AFAP1L2: variants seen among roughly 807,000 people sequenced by gnomAD.
The protein encoded by AFAP1L2 is actin filament associated protein 1 like 2.
A neutral mutation model predicts 99.3 loss-of-function variants in AFAP1L2; 46 were observed. The ratio of observed to expected loss-of-function variants is 0.46; its 90% CI spans 0.37 to 0.59. AFAP1L2 has a LOEUF of 0.59. Among genes scored for constraint, AFAP1L2 ranks in the 20% least tolerant of loss-of-function variants. The probability of loss-of-function intolerance (pLI) is 0.00; values close to 1 mark genes in which losing one functional copy is unlikely to be tolerated. For missense variants in AFAP1L2, 959 were observed against 1,034.9 expected, an observed-to-expected ratio of 0.93 and a Z score of 1.01; for synonymous variants, 397 against 419.1, an observed-to-expected ratio of 0.95 and a Z score of 0.64.
At chr10:114,287,244 G>A in the AFAP1L2 span, among the ~76,000 whole-genome samples, 8 of 152,084 alleles carry the variant, frequency 5.3e-5, no homozygotes, top group Non-Finnish European at 1.0e-4. Flanking sequence ...GCAGTGGCAC[G>A]ATCATAGCTC....
At chr10:114,404,961 G>A (rs561774681), upstream of AFAP1L2, among the ~76,000 whole-genome samples, 3 of 152,278 alleles carry the variant, frequency 2.0e-5, no homozygotes, top group South Asian at 2.1e-4. Flanking sequence ...CTCGCGCTTG[G>A]CTCCCGAGCC....
intron 2 of AFAP1L2, among the ~76,000 whole-genome samples, chr10:114,338,558 G>C (rs947551243): frequency 2.0e-5 from 3 of 152,196 alleles, no homozygotes; most frequent in Admixed American, 6.5e-5. Context: ...TAAGTGAAAG[G>C]ATAAACAGAT....
At chr10:114,304,512 G>A (rs1248491624) in intron 11 of AFAP1L2, among the ~76,000 whole-genome samples, 1 of 152,176 alleles carries the variant, frequency 6.6e-6, no homozygotes, top group African/African-American at 2.4e-5. Context: ...AGTAGCGCAT[G>A]GTTCCACTCT....
At chr10:114,314,885 G>A (rs2043865040) in intron 6 of AFAP1L2, among the ~76,000 whole-genome samples, 1 of 152,194 alleles carries the variant, frequency 6.6e-6, no homozygotes, top group Non-Finnish European at 1.5e-5. Flanking sequence ...GCTCACGCCT[G>A]TAAACCCAGC....
Position 114,301,372 on chromosome 10 carries a change from C to A in AFAP1L2, c.1524G>T (p.Leu508=). The change falls in exon 13 of 19, where the codon CTG becomes CTT. Residue 508 remains leucine, a synonymous_variant. Transcript: ENST00000304129. The part of the protein sequence containing the change: ...RQEELYDDVD[L]SELTAAVEPT... ...TCCTTACCGCAGCTGTGAGCTCTGACAGGTCCACGTCGTCATACAGCTCCT... is the reference window on the plus strand; with the variant it reads ...TCCTTACCGCAGCTGTGAGCTCTGAAAGGTCCACGTCGTCATACAGCTCCT... The A allele has an allele frequency of 6.2e-7, 1 of 1,614,156 alleles. No individual in the cohort carries two copies. Among genetic ancestry groups the A allele is most frequent in the African/African-American group, 1.3e-5 (1 of 75,074 alleles).
intron 1 of AFAP1L2, among the ~76,000 whole-genome samples, chr10:114,370,375 C>G (rs1216322644): frequency 6.6e-6 from 1 of 152,162 alleles, no homozygotes; most frequent in Non-Finnish European, 1.5e-5. Flanking sequence ...GAGTGGTGCT[C>G]AGGATAAATG....
At chr10:114,312,842 A>G (rs1429398061) in intron 7 of AFAP1L2, among the ~76,000 whole-genome samples, 1 of 152,222 alleles carries the variant, frequency 6.6e-6, no homozygotes, top group Admixed American at 6.5e-5. Context: ...GATACCTGTC[A>G]GCACCTTCTA....
chr10:114,310,542 G>C, intron 7 of AFAP1L2, 99 bp from the exon 8 acceptor site: 1 of 1,039,350 alleles, frequency 9.6e-7, no homozygotes, highest in Non-Finnish European at 1.4e-6. Context: ...GGGAGAGTGG[G>C]TGGAGGTGAG....
intron 3 of AFAP1L2, 111 bp from the exon 4 acceptor site, chr10:114,332,008 G>T: frequency 1.5e-6 from 1 of 671,240 alleles, no homozygotes; most frequent in Non-Finnish European, 2.1e-6. Flanking sequence ...TTTTGAGCAG[G>T]TGTTAATTAC....
chr10:114,312,994 C>T (rs112190530), intron 7 of AFAP1L2, among the ~76,000 whole-genome samples: 12 of 151,992 alleles, frequency 7.9e-5, no homozygotes, highest in East Asian at 1.9e-4. Context: ...TTTACCACAG[C>T]GGTCCAGATC....
downstream of AFAP1L2, among the ~76,000 whole-genome samples, chr10:114,293,786 T>G (rs2039820103): frequency 6.6e-6 from 1 of 152,240 alleles, no homozygotes; most frequent in South Asian, 2.1e-4. Flanking sequence ...TAGAGAAATA[T>G]TTCCAAATGA....
At position 114,319,508 on chromosome 10, in the gene AFAP1L2, A is replaced by G. The variant is rs562261068; in HGVS notation, c.406+3663T>C. 3.7e-4 allele frequency: 457 copies of G among 1,240,160 alleles called. 1 individual carries two copies. Among genetic ancestry groups the G allele is most frequent in the Non-Finnish European group, 4.6e-4 (436 of 945,584 alleles). 76.8% of individuals were successfully genotyped at this position (1,240,160 alleles called of 1,614,324 possible). On this transcript the variant is annotated intron_variant, in intron 5 of 18. Transcript: ENST00000304129. ...CTCGGGACATGCACACATCTTTGAG[A>G]GACAGGCAGCAGGCAAGAATCACTG...
chr10:114,297,305 T>A lies in AFAP1L2; in HGVS notation c.2222A>T (p.Lys741Met). 1 of 1,614,032 alleles carries A rather than the reference T, an allele frequency of 6.2e-7. No individual in the cohort carries two copies. Among genetic ancestry groups the A allele is most frequent in the Non-Finnish European group, 8.5e-7 (1 of 1,180,014 alleles). The change falls in exon 17 of 19, where the codon AAG (lysine) becomes ATG (methionine). Residue 741 changes from lysine (K) to methionine (M), a missense_variant. By Grantham distance (95) the Lys-to-Met change is moderately conservative. Coordinates refer to ENST00000304129, the MANE Select transcript of AFAP1L2 (RefSeq NM_001001936.3). Reference sequence around the variant, plus strand: ...TGCCTCAGCCTTCTTCAGGTTGTCCTTCACCTCCATGATGCTGAGCTCCAG... The same window carrying A: ...TGCCTCAGCCTTCTTCAGGTTGTCCATCACCTCCATGATGCTGAGCTCCAG... ...VDLELSIMEV[K>M]DNLKKAEAGP...
chr10:114,399,034 A>C, intron 1 of AFAP1L2: 2 of 659,330 alleles, frequency 3.0e-6, no homozygotes, highest in South Asian at 1.6e-5. Context: ...TCTGTTCTCC[A>C]GAGCTAGAGC....
chr10:114,286,973 C>T, the AFAP1L2 span, among the ~76,000 whole-genome samples: 3 of 152,282 alleles, frequency 2.0e-5, no homozygotes, highest in African/African-American at 7.2e-5. Context: ...CATGCACACG[C>T]GCTGGTGCAG....
At chr10:114,367,730 C>T (rs1256490755) in intron 1 of AFAP1L2, among the ~76,000 whole-genome samples, 2 of 152,120 alleles carry the variant, frequency 1.3e-5, no homozygotes, top group Admixed American at 6.5e-5. Flanking sequence ...GGAGGCAGAA[C>T]GGGCAGAGGG....
chr10:114,359,405 C>T (rs2051885445), intron 1 of AFAP1L2, among the ~76,000 whole-genome samples: 1 of 152,198 alleles, frequency 6.6e-6, no homozygotes, highest in African/African-American at 2.4e-5. Flanking sequence ...TGTAAACTTT[C>T]CTTGTACTTC....
intron 1 of AFAP1L2, among the ~76,000 whole-genome samples, chr10:114,348,693 A>T (rs2049982354): frequency 6.6e-6 from 1 of 152,142 alleles, no homozygotes; most frequent in South Asian, 2.1e-4. Flanking sequence ...GCATGCATAC[A>T]AGAGGTAAAG....
chr10:114,395,558 C>A (rs1057495195), intron 1 of AFAP1L2, among the ~76,000 whole-genome samples: 2 of 152,084 alleles, frequency 1.3e-5, no homozygotes, highest in Non-Finnish European at 2.9e-5. Context: ...TTTCTCCCCC[C>A]ATCTGGGGAC....
Sources: gnomAD v4.1 joint callset for allele counts (sites outside exome capture counted in the v4.1 genomes callset) on GRCh38, gnomAD v4.1.1 for gene constraint, MANE v1.5 for transcripts, NCBI Gene and HGNC (gene_info 2026-07-23, HGNC 2026-07-21) for gene names.